Variants in NKAIN2 observed in about 807,000 individuals in gnomAD.
The protein encoded by NKAIN2 is sodium/potassium-transporting ATPase subunit beta-1-interacting protein 2.
In NKAIN2, 14 loss-of-function variants were observed where a neutral mutation model predicts 32.6. That is an observed-to-expected ratio of 0.43 (90% CI 0.28 to 0.67). The LOEUF is 0.67. Ranked by LOEUF, NKAIN2 falls within the 30% of genes least tolerant of loss-of-function variation. NKAIN2 has a pLI of 0.17. For synonymous variants in NKAIN2, 80 were observed against 87.2 expected (o/e 0.92, Z 0.46); for missense variants, 198 against 258.3 (o/e 0.77, Z 1.60).
At chr6:124,082,628 T>C (rs1237858370) in intron 1 of NKAIN2, among the ~76,000 whole-genome samples, 1 of 151,884 alleles carries the variant, frequency 6.6e-6, no homozygotes, top group Non-Finnish European at 1.5e-5. Flanking sequence ...TTATGACACA[T>C]GGCCAATATA....
chr6:123,955,205 AAAAAAAAGAAAAAG>A (rs1377176809), intron 1 of NKAIN2, among the ~76,000 whole-genome samples: 9 of 151,630 alleles, frequency 5.9e-5, no homozygotes, highest in Admixed American at 5.9e-4. Context: ...CCAAAAAAAA[AAAAAAAAGAAAAAG>A]AAAAAAGAAA....
At chr6:124,735,585 G>C (rs929683089) in intron 4 of NKAIN2, among the ~76,000 whole-genome samples, 31 of 151,824 alleles carry the variant, frequency 2.0e-4, no homozygotes, top group African/African-American at 7.5e-4. Context: ...TTGATGGTTT[G>C]TGGGAACTCT....
chr6:124,215,438 G>A (rs1791417882), intron 1 of NKAIN2, among the ~76,000 whole-genome samples: 1 of 152,038 alleles, frequency 6.6e-6, no homozygotes, highest in Non-Finnish European at 1.5e-5. Flanking sequence ...CTTATGTGCT[G>A]TATATTATAA....
chr6:124,650,278 T>C (rs1049271966), intron 3 of NKAIN2, among the ~76,000 whole-genome samples: 1 of 152,198 alleles, frequency 6.6e-6, no homozygotes, highest in African/African-American at 2.4e-5. Flanking sequence ...CTCCTGTAGC[T>C]AGTAAGCAGT....
chr6:124,800,833 A>C (rs1245700523), intron 5 of NKAIN2, among the ~76,000 whole-genome samples: 1 of 152,100 alleles, frequency 6.6e-6, no homozygotes, highest in Non-Finnish European at 1.5e-5. Flanking sequence ...TAACATTTGC[A>C]TTTGCTTGTT....
chr6:124,395,112 T>G (rs1416938222), intron 3 of NKAIN2, among the ~76,000 whole-genome samples: 1 of 152,138 alleles, frequency 6.6e-6, no homozygotes, highest in Non-Finnish European at 1.5e-5. Flanking sequence ...TAGACAAAAT[T>G]AAACATAAAA....
chr6:124,670,645 C>CTGTGTGTGTGTGTGTGTG (rs57300688), intron 4 of NKAIN2, among the ~76,000 whole-genome samples: 312 of 123,906 alleles, frequency 2.5e-3, no homozygotes, highest in African/African-American at 2.5e-3. Flanking sequence ...TCTTTGCTTT[C>CTGTGTGTGTGTGTGTGTG]TGTGTGTGTG....
rs185142323 is a variant in NKAIN2 at position 124,304,048 on chromosome 6, T to A, written c.192+20906T>A. On this transcript the variant is annotated intron_variant, in intron 2 of 6. Coordinates refer to ENST00000368417, the MANE Select transcript of NKAIN2 (RefSeq NM_001040214.3). Reference sequence around the variant, plus strand: ...ATGATGGCTTTAGTTTAGAAATTGCTTAATTTAAGGTGCCTATTGATAACA... The same window carrying A: ...ATGATGGCTTTAGTTTAGAAATTGCATAATTTAAGGTGCCTATTGATAACA... 5.0e-4 allele frequency among the ~76,000 whole-genome samples: 76 copies of A among 152,194 alleles called. 1 individual carries two copies. The highest frequency in any genetic ancestry group is 9.2e-4 in the Admixed American group (14 of 15,276).
chr6:124,757,243 A>G (rs753658851), intron 4 of NKAIN2, among the ~76,000 whole-genome samples: 19 of 152,148 alleles, frequency 1.2e-4, no homozygotes, highest in Non-Finnish European at 2.8e-4. Flanking sequence ...TCTTCCATTC[A>G]TTCTCTACAT....
At chr6:124,455,854 G>A (rs1776300608) in intron 3 of NKAIN2, among the ~76,000 whole-genome samples, 1 of 151,846 alleles carries the variant, frequency 6.6e-6, no homozygotes, top group Admixed American at 6.6e-5. Flanking sequence ...TGTCCCTTCA[G>A]CCTGATTGGT....
chr6:123,811,883 A>T (rs1773489138), intron 1 of NKAIN2, among the ~76,000 whole-genome samples: 1 of 152,168 alleles, frequency 6.6e-6, no homozygotes, highest in Admixed American at 6.5e-5. Flanking sequence ...TGAACTAGAT[A>T]ATATGCTATG....
intron 2 of NKAIN2, among the ~76,000 whole-genome samples, chr6:124,329,158 G>A (rs1402609966): frequency 1.3e-5 from 2 of 152,068 alleles, no homozygotes; most frequent in African/African-American, 4.8e-5. Flanking sequence ...CTTACCTAGT[G>A]GGATGATCCA....
At chr6:123,994,768 A>G (rs1056891992) in intron 1 of NKAIN2, among the ~76,000 whole-genome samples, 7 of 152,158 alleles carry the variant, frequency 4.6e-5, no homozygotes, top group African/African-American at 1.7e-4. Flanking sequence ...CCCTCCATAC[A>G]TATTACAAAT....
At chr6:124,371,039 A>C (rs1799737842) in intron 3 of NKAIN2, among the ~76,000 whole-genome samples, 1 of 152,176 alleles carries the variant, frequency 6.6e-6, no homozygotes, top group African/African-American at 2.4e-5. Flanking sequence ...AGTGTGCTAC[A>C]TAATGAGTCC....
intron 3 of NKAIN2, among the ~76,000 whole-genome samples, chr6:124,371,709 A>AAAAAAG (rs1554196667): frequency 1.3e-5 from 2 of 151,176 alleles, no homozygotes; most frequent in African/African-American, 4.9e-5. Flanking sequence ...AAAAAAAAAA[A>AAAAAAG]AAAGAAAGAA....
chr6:124,469,885 T>G (rs1369522741), intron 3 of NKAIN2, among the ~76,000 whole-genome samples: 1 of 152,116 alleles, frequency 6.6e-6, no homozygotes, highest in Non-Finnish European at 1.5e-5. Context: ...CTTCTTATCT[T>G]CCTGAAGACC....
intron 1 of NKAIN2, among the ~76,000 whole-genome samples, chr6:123,832,990 G>A (rs1774449303): frequency 6.6e-6 from 1 of 151,994 alleles, no homozygotes; most frequent in Non-Finnish European, 1.5e-5. Context: ...ATTTTTTATG[G>A]ATCATCTCTT....
At chr6:124,761,571 G>A (rs1778268275) in intron 4 of NKAIN2, among the ~76,000 whole-genome samples, 1 of 152,070 alleles carries the variant, frequency 6.6e-6, no homozygotes, top group Non-Finnish European at 1.5e-5. Flanking sequence ...TTGACAAATA[G>A]AATACTATAA....
chr6:124,635,869 C>T (rs1408043376), intron 3 of NKAIN2, among the ~76,000 whole-genome samples: 1 of 151,910 alleles, frequency 6.6e-6, no homozygotes, highest in African/African-American at 2.4e-5. Flanking sequence ...CCACATTTGG[C>T]CTTGGACAGA....
Sources: allele counts gnomAD v4.1 joint callset (sites outside exome capture counted in the v4.1 genomes callset), GRCh38; gene constraint gnomAD v4.1.1; transcripts MANE v1.5; gene names NCBI Gene and HGNC (gene_info 2026-07-23, HGNC 2026-07-21).